GSE1: variants seen among roughly 807,000 people sequenced by gnomAD.
GSE1 encodes the protein Gse1 coiled-coil protein.
In GSE1, 32 loss-of-function variants were observed where a neutral mutation model predicts 112.6. The observed-to-expected ratio is 0.28, with a 90% CI of 0.21 to 0.38. GSE1 has a LOEUF of 0.38. GSE1 is among the 10% of genes least tolerant of loss of function. The probability of loss-of-function intolerance (pLI) is 1.00; values close to 1 mark genes in which losing one functional copy is unlikely to be tolerated. For synonymous variants in GSE1, 1,115 were observed against 735.6 expected (o/e 1.52, Z -8.35); for missense variants, 2,348 against 1,699.2 (o/e 1.38, Z -6.71).
chr16:85,408,100 T>C (rs1282473529), intron 2 of GSE1, among the ~76,000 whole-genome samples: 1 of 41,030 alleles, frequency 2.4e-5, no homozygotes, highest in South Asian at 1.3e-3. Flanking sequence ...AGGGCCCCCC[T>C]GGATAATCCT....
intron 2 of GSE1, among the ~76,000 whole-genome samples, chr16:85,510,422 G>GTGTGTGTGTGTGTC (rs797012236): frequency 0.013 from 1,905 of 151,662 alleles, 16 homozygotes; most frequent in African/African-American, 0.029. Flanking sequence ...GTGTGTGTCT[G>GTGTGTGTGTGTGTC]TGTGTGTGTG....
chr16:85,356,194 G>A (rs1023422785), intron 1 of GSE1, among the ~76,000 whole-genome samples: 8 of 152,360 alleles, frequency 5.3e-5, no homozygotes, highest in South Asian at 2.1e-4. Context: ...GGCAGTTGGC[G>A]TCGTCACCAT....
upstream of GSE1, chr16:85,555,804 G>GT (rs1256578074): frequency 0.034 from 26,250 of 765,516 alleles, 5 homozygotes; most frequent in Non-Finnish European, 0.037. Context: ...CCTGGGGGCT[G>GT]TTTTTTTTTT....
At chr16:85,562,957 T>G (rs754509902) in intron 1 of GSE1, among the ~76,000 whole-genome samples, 1 of 152,248 alleles carries the variant, frequency 6.6e-6, no homozygotes, top group African/African-American at 2.4e-5. Context: ...TAGACTGTTG[T>G]GGCCCTTAAC....
intron 1 of GSE1, among the ~76,000 whole-genome samples, chr16:85,625,995 TC>T (rs767180367): frequency 7.9e-5 from 12 of 152,104 alleles, no homozygotes; most frequent in Non-Finnish European, 1.5e-4. Context: ...CCCTTCTTGT[TC>T]CAGGTCAGGA....
chr16:85,609,882 C>T (rs1038649385), upstream of GSE1, among the ~76,000 whole-genome samples: 1 of 152,158 alleles, frequency 6.6e-6, no homozygotes, highest in Non-Finnish European at 1.5e-5. Flanking sequence ...GTCTCGAACT[C>T]CTGATCTCAA....
At chr16:85,313,279 T>C (rs1235115620) in intron 1 of GSE1, among the ~76,000 whole-genome samples, 5 of 152,090 alleles carry the variant, frequency 3.3e-5, no homozygotes, top group Non-Finnish European at 7.4e-5. Flanking sequence ...TGCTTCTCCT[T>C]GGGCAGACCC....
At chr16:85,476,014 G>GT (rs1054210908) in intron 2 of GSE1, among the ~76,000 whole-genome samples, 1 of 152,078 alleles carries the variant, frequency 6.6e-6, no homozygotes, top group African/African-American at 2.4e-5. Flanking sequence ...CACTGCAACT[G>GT]CTGCCTCCCA....
At chr16:85,609,514 C>T (rs765864399), upstream of GSE1, among the ~76,000 whole-genome samples, 201 of 152,306 alleles carry the variant, frequency 1.3e-3, no homozygotes, top group Non-Finnish European at 1.8e-3. Context: ...AGTGAAAAAC[C>T]GCCCACCCTC....
At chr16:85,405,060 C>T (rs1382152366) in intron 2 of GSE1, among the ~76,000 whole-genome samples, 1 of 25,770 alleles carries the variant, frequency 3.9e-5, no homozygotes, top group Non-Finnish European at 6.8e-5. Context: ...TCAGGCCCCC[C>T]GGATAATCCT....
chr16:85,634,161 G>T (rs1439727116), intron 2 of GSE1, 29 bp downstream of exon 2: 20 of 1,373,688 alleles, frequency 1.5e-5, no homozygotes, highest in Non-Finnish European at 1.7e-5. Flanking sequence ...CTGCGCGTGG[G>T]GGGAGCGGCG....
At chr16:85,345,472 G>T (rs752317426) in intron 1 of GSE1, among the ~76,000 whole-genome samples, 1 of 152,258 alleles carries the variant, frequency 6.6e-6, no homozygotes, top group Admixed American at 6.5e-5. Flanking sequence ...TGCGCTTGCT[G>T]TTCCTTGTTC....
chr16:85,307,938 G>A (rs1178986755), intron 1 of GSE1, among the ~76,000 whole-genome samples: 1 of 152,182 alleles, frequency 6.6e-6, no homozygotes, highest in Non-Finnish European at 1.5e-5. Flanking sequence ...CAGTACTTGG[G>A]AGTTTGGGAA....
chr16:85,661,563 G>A lies in GSE1; in HGVS notation c.2058G>A (p.Leu686=). 6.2e-7 allele frequency: 1 copy of A among 1,611,468 alleles called. No individual in the cohort carries two copies. The highest frequency in any genetic ancestry group is 8.5e-7 in the Non-Finnish European group (1 of 1,179,516). The change falls in exon 9 of 16, where the codon CTG becomes CTA. Residue 686 remains leucine (L), a synonymous_variant. Transcript: ENST00000253458. ...TCGAGAAGTCCACCCAGACCATCCT[G>A]GGCCAGCAGCGGGCCTCCCTCCCAC... ...AELEKSTQTI[L]GQQRASLPQA...
At chr16:85,329,276 G>T (rs1443621007) in intron 1 of GSE1, among the ~76,000 whole-genome samples, 13 of 152,194 alleles carry the variant, frequency 8.5e-5, no homozygotes, top group Non-Finnish European at 1.9e-4. Flanking sequence ...GCTGCCTCCA[G>T]GGCTGGTGTG....
Position 85,663,367 on chromosome 16 carries a change from T to A in GSE1, c.2397T>A (p.Phe799Leu). ...SSEKLEFLQL[F>L]GLTTQQQKEE... ...AGAAGCTAGAGTTTTTGCAACTTTT[T>A]GGCTTGACCACCCAACAGCAGAAGG... The change falls in exon 11 of 16, where the codon TTT becomes TTA. Residue 799 changes from phenylalanine to leucine, a missense_variant. Physicochemically the swap from Phe to Leu is conservative, Grantham distance 22 (BLOSUM62 0). Coordinates refer to ENST00000253458, the MANE Select transcript of GSE1 (RefSeq NM_014615.5). The A allele has an allele frequency of 6.2e-7, 1 of 1,613,902 alleles. No homozygotes were observed. The highest frequency in any genetic ancestry group is 8.5e-7 in the Non-Finnish European group (1 of 1,180,002).
At chr16:85,442,612 G>C (rs2049404792) in intron 2 of GSE1, among the ~76,000 whole-genome samples, 3 of 152,196 alleles carry the variant, frequency 2.0e-5, no homozygotes, top group African/African-American at 7.2e-5. Flanking sequence ...AGACAGGTGT[G>C]ACGTGACTGC....
rs1567753945 is a variant in GSE1, at chr16:85,663,486, C to T, written c.2516C>T (p.Pro839Leu). The change falls in exon 11 of 16, where the codon CCT becomes CTT. Residue 839 changes from proline to leucine, a missense_variant. Transcript: ENST00000253458. ...PPTIQSKRQT[P>L]SPRLALSTRY... ...ACAATTCAGAGCAAGCGGCAGACGC[C>T]TTCACCGAGACTGGCGCTGTCTACC... The T allele has an allele frequency of 2.5e-6, 4 of 1,613,772 alleles. No homozygotes were observed. Among genetic ancestry groups the T allele is most frequent in the East Asian group, 2.2e-5 (1 of 44,888 alleles).
chr16:85,361,626 G>T (rs1462595212), intron 2 of GSE1, among the ~76,000 whole-genome samples: 1 of 152,206 alleles, frequency 6.6e-6, no homozygotes, highest in Admixed American at 6.5e-5. Context: ...AACCGCCCAG[G>T]GCCGTCCGTT....
Sources: allele counts gnomAD v4.1 joint callset (sites outside exome capture counted in the v4.1 genomes callset), GRCh38; gene constraint gnomAD v4.1.1; transcripts MANE v1.5; gene names NCBI Gene and HGNC (gene_info 2026-07-23, HGNC 2026-07-21).